The following ABHD12 variants were observed in gnomAD, a reference collection of about 807,000 sequenced individuals.
ABHD12 encodes lysophosphatidylserine lipase ABHD12.
A neutral mutation model predicts 58.3 loss-of-function variants in ABHD12; 43 were observed. The observed-to-expected ratio is 0.74, with a 90% CI of 0.58 to 0.95. ABHD12 has a LOEUF of 0.95. ABHD12 is among the 40% of genes least tolerant of loss of function. The pLI is 0.00. For missense variants in ABHD12, 539 were observed against 537.2 expected (o/e 1.00, Z -0.03); for synonymous variants, 219 against 211.2 (o/e 1.04, Z -0.32).
chr20:25,339,524 T>C, intron 1 of ABHD12, 173 bp from the exon 2 acceptor site: 1 of 1,392,078 alleles, frequency 7.2e-7, no homozygotes, highest in South Asian at 1.2e-5. Context: ...GTAATTATTT[T>C]ACATAGTCTT....
At chr20:25,372,331 G>A (rs1019985098) in intron 1 of ABHD12, among the ~76,000 whole-genome samples, 2 of 151,926 alleles carry the variant, frequency 1.3e-5, no homozygotes, top group Admixed American at 1.3e-4. Flanking sequence ...AGGACCACAG[G>A]TGCACACCAC....
intron 6 of ABHD12, chr20:25,310,070 CATCCT>C: frequency 1.1e-4 from 18 of 167,014 alleles, no homozygotes; most frequent in South Asian, 4.9e-4. Context: ...CTGCCACCAC[CATCCT>C]CAGCTCTACA....
downstream of ABHD12, chr20:25,295,699 G>A: frequency 1.9e-6 from 3 of 1,586,938 alleles, no homozygotes; most frequent in Middle Eastern, 1.7e-4. Flanking sequence ...GAGGCTAGGG[G>A]AGCAGCTGGG....
chr20:25,354,014 T>C (rs1023147452), intron 1 of ABHD12, among the ~76,000 whole-genome samples: 2 of 152,156 alleles, frequency 1.3e-5, no homozygotes, highest in African/African-American at 2.4e-5. Flanking sequence ...GTGGTCTTTG[T>C]ATAAACCCAA....
chr20:25,308,305 G>A lies in ABHD12; in HGVS notation c.787+152C>T, dbSNP rs2088783510. On this transcript the variant is annotated intron_variant, in intron 8 of 12. Coordinates refer to ENST00000339157, the MANE Select transcript of ABHD12 (RefSeq NM_001042472.3). ...TGTGAGGCTCCCCAGCTCCTCAGGT[G>A]TATCATGGGAAGGGTGGCTGGTCAG... 9 of 968,868 alleles carry A rather than the reference G, an allele frequency of 9.3e-6. No individual in the cohort carries two copies. The South Asian group carries it at 1.1e-4, about 12-fold the overall frequency. The allele number at this position is 968,868 out of a possible 1,614,324, so 60.0% of individuals were successfully genotyped here. A position where few individuals can be genotyped will look rare whatever the true frequency, so the allele number is the denominator to read the frequency against.
intron 2 of ABHD12, among the ~76,000 whole-genome samples, chr20:25,324,871 G>A (rs1234906152): frequency 6.6e-6 from 1 of 152,010 alleles, no homozygotes; most frequent in Non-Finnish European, 1.5e-5. Context: ...AATAAAAAAT[G>A]GCAAAGGAGA....
At chr20:25,357,533 G>C (rs555086175) in intron 1 of ABHD12, among the ~76,000 whole-genome samples, 60 of 152,238 alleles carry the variant, frequency 3.9e-4, no homozygotes, top group Non-Finnish European at 7.2e-4. Flanking sequence ...TAGAAAAATT[G>C]GTTCTGTAGG....
At chr20:25,332,184 C>A (rs1455259027) in intron 2 of ABHD12, among the ~76,000 whole-genome samples, 1 of 151,116 alleles carries the variant, frequency 6.6e-6, no homozygotes, top group Non-Finnish European at 1.5e-5. Flanking sequence ...GACTTTAAAC[C>A]AACAAAGATC....
At chr20:25,327,116 G>C (rs1039215030) in intron 2 of ABHD12, among the ~76,000 whole-genome samples, 3 of 152,218 alleles carry the variant, frequency 2.0e-5, no homozygotes, top group African/African-American at 7.2e-5. Context: ...AGAAGTTAGA[G>C]CTGTCTTTGC....
rs1181414088 is a variant in ABHD12, at chr20:25,314,905, T to C, written c.619+20A>G. 6.2e-7 allele frequency: 1 copy of C among 1,614,036 alleles called. No individual in the cohort carries two copies. The highest frequency in any genetic ancestry group is 8.5e-7 in the Non-Finnish European group (1 of 1,179,906). ...AAGCAGTGGAATTGTGCTCAGATGC[T>C]CTTGCAAAAGAAATCTCACCTCTGT... is the stretch of plus-strand genomic sequence containing the variant. On this transcript the variant is annotated intron_variant, in intron 6 of 12. Transcript: ENST00000339157.
chr20:25,346,718 C>T (rs1163577173), intron 1 of ABHD12, among the ~76,000 whole-genome samples: 2 of 151,420 alleles, frequency 1.3e-5, no homozygotes, highest in Non-Finnish European at 2.9e-5. Context: ...GATCTCGGCT[C>T]ACTGTAAGCT....
chr20:25,306,108 A>G (rs890010120), intron 10 of ABHD12, among the ~76,000 whole-genome samples: 4 of 151,992 alleles, frequency 2.6e-5, no homozygotes, highest in Admixed American at 2.0e-4. Context: ...CAGAGGTTGC[A>G]GTGAGCTGAG....
rs184978033 is a variant in ABHD12 at position 25,351,009 on chromosome 20, A to C, written c.192-11658T>G. Among the ~76,000 whole-genome samples, 344 of 130,546 alleles carry C rather than the reference A, an allele frequency of 2.6e-3. 2 individuals are homozygous for C. Among genetic ancestry groups the C allele is most frequent in the Middle Eastern group, 0.012 (3 of 242 alleles). 85.6% of individuals were successfully genotyped at this position (130,546 alleles called of 152,430 possible). ...CACACACACACACACACACACACACACCCTTATTAAGCTGGTATATAAACC... is the reference window on the plus strand; with the variant it reads ...CACACACACACACACACACACACACCCCCTTATTAAGCTGGTATATAAACC... On this transcript the variant is annotated intron_variant, in intron 1 of 12. Transcript: ENST00000339157.
chr20:25,340,750 G>A lies in ABHD12; in HGVS notation c.192-1399C>T, dbSNP rs531317766. ...TTAAATAAGACATCCACAAAAGACT[G>A]TATACTATATAATTCCACGTCTAAA... On this transcript the variant is annotated intron_variant, in intron 1 of 12. Transcript: ENST00000339157. 2.6e-5 allele frequency among the ~76,000 whole-genome samples: 4 copies of A among 152,328 alleles called. No homozygotes were observed. In the South Asian group the frequency reaches 8.3e-4, roughly 32 times the overall value.
Position 25,390,830 on chromosome 20 carries a change from CG to C in ABHD12, c.-128del, listed in dbSNP as rs2090167736. 8.4e-6 allele frequency: 5 copies of C among 591,766 alleles called. No homozygotes were observed. The highest frequency in any genetic ancestry group is 1.2e-5 in the Non-Finnish European group (5 of 427,152). 36.7% of individuals were successfully genotyped at this position (591,766 alleles called of 1,614,324 possible). On this transcript the variant is annotated 5_prime_UTR_variant, in exon 1 of 13. Coordinates refer to ENST00000339157, the MANE Select transcript of ABHD12 (RefSeq NM_001042472.3). ...CCGCTCCTCACATCCCAGCCCAGGCCGCTGCGCCGGCTACGAACCAGCGGCG... is the reference window on the plus strand; with the variant it reads ...CCGCTCCTCACATCCCAGCCCAGGCCCTGCGCCGGCTACGAACCAGCGGCG...
In ABHD12 at chr20:25,380,751, T is replaced by C. The variant is rs1166217751; in HGVS notation, c.191+9762A>G. Among the ~76,000 whole-genome samples, 5 of 152,164 alleles carry C rather than the reference T, an allele frequency of 3.3e-5. No individual in the cohort carries two copies. The East Asian group carries it at 5.8e-4, about 18-fold the overall frequency. On this transcript the variant is annotated intron_variant, in intron 1 of 12. Coordinates refer to ENST00000339157, the MANE Select transcript of ABHD12 (RefSeq NM_001042472.3). The stretch of plus-strand genomic sequence containing the variant: ...GTCCTGACTCCTCTGTCCTGACTTG[T>C]CTGCTGGGAGAGTCTGCTGCAAGGG...
intron 6 of ABHD12, among the ~76,000 whole-genome samples, chr20:25,312,211 G>A (rs898138490): frequency 1.3e-5 from 2 of 151,872 alleles, no homozygotes; most frequent in African/African-American, 4.8e-5. Flanking sequence ...TCTTTCCACG[G>A]TCTCTCTCTG....
At chr20:25,338,974 A>C in intron 2 of ABHD12, 1 of 1,257,872 alleles carries the variant, frequency 7.9e-7, no homozygotes, top group Non-Finnish European at 1.0e-6. Flanking sequence ...CTAGCACAGA[A>C]AGTCCTCCAG....
intron 1 of ABHD12, among the ~76,000 whole-genome samples, chr20:25,352,402 C>A (rs2089613204): frequency 6.6e-6 from 1 of 152,188 alleles, no homozygotes; most frequent in South Asian, 2.1e-4. Context: ...GATTCTCCTG[C>A]CTCAGCCTCC....
Sources: allele counts gnomAD v4.1 joint callset (sites outside exome capture counted in the v4.1 genomes callset), GRCh38; gene constraint gnomAD v4.1.1; transcripts MANE v1.5; gene names NCBI Gene and HGNC (gene_info 2026-07-23, HGNC 2026-07-21).